TJAP1: variants seen among roughly 807,000 people sequenced by gnomAD.
The protein encoded by TJAP1 is tight junction associated protein 1.
TJAP1 carries 27 observed loss-of-function variants against 42.0 expected under a neutral mutation model. That is an observed-to-expected ratio of 0.64 (90% confidence interval 0.47 to 0.89). The LOEUF (loss-of-function observed/expected upper bound fraction) is 0.89, where lower values mean the gene tolerates loss of function less well. TJAP1 is among the 40% of genes least tolerant of loss of function. The probability of loss-of-function intolerance (pLI) is 0.00; values close to 1 mark genes in which losing one functional copy is unlikely to be tolerated. For missense variants in TJAP1, 712 were observed against 726.9 expected, an observed-to-expected ratio of 0.98 and a Z score of 0.24; for synonymous variants, 257 against 288.4, an observed-to-expected ratio of 0.89 and a Z score of 1.10.
chr6:43,479,321 C>T (rs957302617), intron 2 of TJAP1, among the ~76,000 whole-genome samples: 10 of 152,342 alleles, frequency 6.6e-5, no homozygotes, highest in African/African-American at 2.4e-4. Flanking sequence ...CAACCCAAGT[C>T]ACTGTTACTA....
intron 7 of TJAP1, 69 bp from the exon 8 acceptor site, chr6:43,502,519 C>T (rs1225883450): frequency 6.5e-7 from 1 of 1,538,806 alleles, no homozygotes; most frequent in African/African-American, 1.4e-5. Flanking sequence ...TCTTAATGCT[C>T]ACACTGTTTC....
At chr6:43,477,740 G>A (rs1269213778) in intron 1 of TJAP1, 112 bp downstream of exon 1, 2 of 152,452 alleles carry the variant, frequency 1.3e-5, no homozygotes, top group African/African-American at 4.8e-5. Context: ...GTTGAAAAGA[G>A]GAGATGGAAT....
chr6:43,498,434 G>A (rs1327636287), intron 3 of TJAP1, among the ~76,000 whole-genome samples: 1 of 152,114 alleles, frequency 6.6e-6, no homozygotes, highest in Non-Finnish European at 1.5e-5. Context: ...CTTGTGGTCC[G>A]AGCTACACAG....
At chr6:43,502,534 CT>C in intron 7 of TJAP1, 53 bp from the exon 8 acceptor site, 1 of 1,548,886 alleles carries the variant, frequency 6.5e-7, no homozygotes. Context: ...TGTTTCTCTT[CT>C]TTCCTCGTCT....
intron 2 of TJAP1, chr6:43,489,511 G>A (rs1351408151): frequency 1.3e-5 from 2 of 152,634 alleles, no homozygotes; most frequent in African/African-American, 2.4e-5. Flanking sequence ...GGGAGGTGGT[G>A]GGATGGACTC....
At chr6:43,490,978 G>A (rs1234942484) in intron 2 of TJAP1, among the ~76,000 whole-genome samples, 1 of 152,178 alleles carries the variant, frequency 6.6e-6, no homozygotes, top group South Asian at 2.1e-4. Context: ...GTTGTTTCCT[G>A]GTGTTCCACA....
chr6:43,505,736 G>A lies in TJAP1; in HGVS notation c.1555G>A (p.Ala519Thr). The change falls in exon 11 of 11, where the codon GCC becomes ACC. Residue 519 changes from alanine to threonine, a missense_variant. Ala to Thr is a moderately conservative substitution (Grantham distance 58). Coordinates refer to ENST00000372449, the Ensembl canonical transcript of TJAP1. The surrounding 1 kb of genome is among the most constrained non-coding windows in gnomAD (Gnocchi z 5.5). ...AGGCACTTCCCACACCGAGGGCAGGGCCTGGCCACTCCCCAGCTCCAGTCG... is the reference window on the plus strand; with the variant it reads ...AGGCACTTCCCACACCGAGGGCAGGACCTGGCCACTCCCCAGCTCCAGTCG... 1 of 1,541,204 alleles carries A rather than the reference G, an allele frequency of 6.5e-7. No individual in the cohort carries two copies.
Position 43,505,545 on chromosome 6 carries a change from A to G in TJAP1, c.1364A>G (p.Glu455Gly). 1.2e-6 allele frequency: 2 copies of G among 1,613,878 alleles called. No homozygotes were observed. Among genetic ancestry groups the G allele is most frequent in the Non-Finnish European group, 1.7e-6 (2 of 1,180,030 alleles). The change falls in exon 11 of 11, where the codon GAG becomes GGG. Residue 455 changes from glutamate to glycine, a missense_variant. Physicochemically the swap from Glu to Gly is moderately conservative, Grantham distance 98. Coordinates refer to ENST00000372449, the Ensembl canonical transcript of TJAP1. The surrounding 1 kb of genome is among the most constrained non-coding windows in gnomAD (Gnocchi z 5.5). The stretch of plus-strand genomic sequence containing the variant: ...GCCCATAGCCCCGCTGACAGAGATG[A>G]GGTGGTCCAGGCACCTTCTGCCCGA...
chr6:43,490,831 G>A (rs1475733009), intron 2 of TJAP1, among the ~76,000 whole-genome samples: 1 of 152,198 alleles, frequency 6.6e-6, no homozygotes, highest in Admixed American at 6.5e-5. Context: ...TCCACACTGG[G>A]CTCAGAAAAA....
chr6:43,485,505 G>C (rs967537151), intron 2 of TJAP1, among the ~76,000 whole-genome samples: 1 of 152,212 alleles, frequency 6.6e-6, no homozygotes, highest in East Asian at 1.9e-4. Context: ...TTTACAATCA[G>C]ATGAGGAAGA....
At chr6:43,498,301 C>T (rs1167010841) in intron 3 of TJAP1, among the ~76,000 whole-genome samples, 1 of 152,204 alleles carries the variant, frequency 6.6e-6, no homozygotes. Flanking sequence ...ATCAGTAGCT[C>T]ACACCTATAA....
chr6:43,502,861 C>T, intron 8 of TJAP1: 1 of 586,032 alleles, frequency 1.7e-6, no homozygotes, highest in East Asian at 2.9e-5. Context: ...CCCAAAGCTT[C>T]TTGGCTCCAG....
chr6:43,482,462 C>T lies in TJAP1; in HGVS notation c.-122+4230C>T, dbSNP rs143407052. On this transcript the variant is annotated intron_variant, in intron 2 of 10. Transcript: ENST00000372449. ...CTCTCCAAACTGACCTCATTCTAGCCTCTAGATCTTTGCATACACTGGTGC... is the reference window on the plus strand; with the variant it reads ...CTCTCCAAACTGACCTCATTCTAGCTTCTAGATCTTTGCATACACTGGTGC... 4.0e-3 allele frequency among the ~76,000 whole-genome samples: 613 copies of T among 152,312 alleles called. 2 individuals are homozygous for T. The highest frequency in any genetic ancestry group is 0.014 in the African/African-American group (587 of 41,558).
At chr6:43,502,474 G>C in intron 7 of TJAP1, 114 bp from the exon 8 acceptor site, 1 of 1,480,024 alleles carries the variant, frequency 6.8e-7, no homozygotes, top group Non-Finnish European at 9.2e-7. Context: ...GGGCAGTGGT[G>C]GGGGTACTGC....
intron 7 of TJAP1, 55 bp from the exon 8 acceptor site, chr6:43,502,531 CTT>C (rs951206104): frequency 6.5e-7 from 1 of 1,548,036 alleles, no homozygotes; most frequent in Non-Finnish European, 8.7e-7. Flanking sequence ...CACTGTTTCT[CTT>C]CTTTCCTCGT....
At chr6:43,503,991 CAA>C (rs1205482498) in intron 10 of TJAP1, 1 of 643,516 alleles carries the variant, frequency 1.6e-6, no homozygotes, top group South Asian at 1.5e-5. Flanking sequence ...GCTATCTGCC[CAA>C]AGAGTACTAA....
Position 43,505,144 on chromosome 6 carries a change from A to G in TJAP1, c.963A>G (p.Pro321=). 1 of 1,614,036 alleles carries G rather than the reference A, an allele frequency of 6.2e-7. No homozygotes were observed. The highest frequency in any genetic ancestry group is 1.1e-5 in the South Asian group (1 of 91,072). ...TGAACCCCTACCCAACCCCGTCTCC[A>G]CCACACCCACTGTATCCTGGCCGCA... is the stretch of plus-strand genomic sequence containing the variant. Residue 321 remains proline (P), a synonymous_variant, in exon 11 of 11, where the codon CCA becomes CCG. Transcript: ENST00000372449. The surrounding 1 kb of genome is among the most constrained non-coding windows in gnomAD (Gnocchi z 5.5).
intron 10 of TJAP1, chr6:43,504,472 T>C (rs1027649613): frequency 4.3e-6 from 2 of 462,264 alleles, no homozygotes; most frequent in African/African-American, 3.9e-5. Context: ...AACTTAAGTA[T>C]GGTTTGGGCA....
At chr6:43,498,904 C>T in intron 3 of TJAP1, 74 bp from the exon 4 acceptor site, 6 of 1,501,168 alleles carry the variant, frequency 4.0e-6, no homozygotes, top group Admixed American at 2.0e-5. Flanking sequence ...CCCCTTTCAC[C>T]ATCTTTGTTT....
Sources: gnomAD v4.1 joint callset for allele counts (sites outside exome capture counted in the v4.1 genomes callset) on GRCh38, gnomAD v4.1.1 for gene constraint, Gnocchi (gnomAD v3.1) non-coding constraint, MANE v1.5 for transcripts, NCBI Gene and HGNC (gene_info 2026-07-23, HGNC 2026-07-21) for gene names.